The following GDAP2 variants were observed in gnomAD, a reference collection of about 807,000 sequenced individuals.
GDAP2 encodes ganglioside-induced differentiation-associated protein 2.
Under a neutral mutation model 67.0 loss-of-function variants are expected in GDAP2, and 51 were observed. That is an observed-to-expected ratio of 0.76 (90% CI 0.61 to 0.96). The LOEUF is 0.96. Ranked by LOEUF, GDAP2 falls within the 40% of genes least tolerant of loss-of-function variation. GDAP2 has a pLI of 0.00. For synonymous variants in GDAP2, 203 were observed against 207.3 expected (o/e 0.98, Z 0.18); for missense variants, 547 against 588.3 (o/e 0.93, Z 0.73).
In GDAP2 at chr1:117,896,865, T is replaced by A. The variant is rs1649282549; in HGVS notation, c.921A>T (p.Ser307=). ...GATGCTGCTTCTGCAGAGCTGCCTC[T>A]GATAATTGTCCCTGAAGGATCAGTT... ...QRKLILQGQL[S]EAALQKQHQR... Residue 307 remains serine (S), a synonymous_variant, in exon 8 of 14, where the codon TCA becomes TCT. Transcript: ENST00000369443. 1 of 1,613,058 alleles carries A rather than the reference T, an allele frequency of 6.2e-7. No homozygotes were observed. The highest frequency in any genetic ancestry group is 1.7e-5 in the Admixed American group (1 of 59,908).
intron 1 of GDAP2, among the ~76,000 whole-genome samples, chr1:117,926,349 T>C (rs1413367010): frequency 6.6e-6 from 1 of 152,240 alleles, no homozygotes; most frequent in Non-Finnish European, 1.5e-5. Context: ...GTGGTTCTCC[T>C]ATATCCCTGA....
In GDAP2 at chr1:117,883,545, T is replaced by G; in HGVS notation, c.1190A>C (p.Glu397Ala). The G allele has an allele frequency of 6.2e-7, 1 of 1,610,462 alleles. No individual in the cohort carries two copies. ...GAAGTCGGAGTCCAGGTGATTGTAT[T>G]CGCTGGTCAGGGTGTGAAAATACAC... ...VLVYFHTLTS[E>A]YNHLDSDFLK... Residue 397 changes from glutamate to alanine, a missense_variant, in exon 11 of 14, where the codon GAA (glutamate) becomes GCA (alanine). Transcript: ENST00000369443.
chr1:117,880,163 T>C (rs1257612597), intron 12 of GDAP2, among the ~76,000 whole-genome samples: 1 of 151,992 alleles, frequency 6.6e-6, no homozygotes, highest in Admixed American at 6.6e-5. Flanking sequence ...CCAGTGTGGG[T>C]GACAGACTGA....
intron 3 of GDAP2, among the ~76,000 whole-genome samples, chr1:117,914,902 T>C (rs1210562924): frequency 3.9e-5 from 6 of 152,008 alleles, no homozygotes. Flanking sequence ...CCTGGTAGAT[T>C]TACTCACAAA....
In GDAP2 at chr1:117,870,509, G is replaced by A. The variant is rs1648222711; in HGVS notation, c.*60C>T. On this transcript the variant is annotated 3_prime_UTR_variant, in exon 14 of 14. Coordinates refer to ENST00000369443, the MANE Select transcript of GDAP2 (RefSeq NM_017686.4). ...AGCAACAATGAATATCACTTCAACAGGTAGCTATTCGTGGAGGAAGTGGCA... is the reference window on the plus strand; with the variant it reads ...AGCAACAATGAATATCACTTCAACAAGTAGCTATTCGTGGAGGAAGTGGCA... 3 of 989,744 alleles carry A rather than the reference G, an allele frequency of 3.0e-6. No individual in the cohort carries two copies. The Admixed American group carries it at 5.1e-5, about 17-fold the overall frequency. The allele number at this position is 989,744 out of a possible 1,614,324, so 61.3% of individuals were successfully genotyped here.
rs1648736975 is a variant in GDAP2, at chr1:117,883,488, T to C, written c.1247A>G (p.Lys416Arg). The C allele has an allele frequency of 6.2e-7, 1 of 1,609,996 alleles. No individual in the cohort carries two copies. The highest frequency in any genetic ancestry group is 8.5e-7 in the Non-Finnish European group (1 of 1,177,646). ...TTCATAATTTGCAAAAATAACTAAC[T>C]TGACATCAACAACATCGTAGAGTTT... ...LKKLYDVVDVKYKRNLKAVYF... is the reference protein window; with the variant it reads ...LKKLYDVVDVRYKRNLKAVYF... The change falls in exon 11 of 14, where the codon AAG becomes AGG. Residue 416 changes from lysine (K) to arginine (R), a missense_variant and splice_region_variant. Physicochemically the swap from Lys to Arg is conservative, Grantham distance 26 (BLOSUM62 2). Coordinates refer to ENST00000369443, the MANE Select transcript of GDAP2 (RefSeq NM_017686.4).
chr1:117,884,813 C>CATGTGTGTGT (rs376358688), intron 10 of GDAP2, among the ~76,000 whole-genome samples: 4,375 of 147,938 alleles, frequency 0.03, 95 homozygotes, highest in Non-Finnish European at 0.046. Flanking sequence ...TTATTCCCTC[C>CATGTGTGTGT]GTGTGTGTGT....
intron 6 of GDAP2, among the ~76,000 whole-genome samples, chr1:117,905,676 A>G (rs183153817): frequency 8.4e-4 from 128 of 152,272 alleles, no homozygotes; most frequent in African/African-American, 3.0e-3. Flanking sequence ...CCAGGACCTA[A>G]TATAGCAAAC....
chr1:117,917,596 G>C (rs1650095311), intron 3 of GDAP2, among the ~76,000 whole-genome samples: 1 of 152,238 alleles, frequency 6.6e-6, no homozygotes, highest in Non-Finnish European at 1.5e-5. Flanking sequence ...CTCAGACTCA[G>C]AGGTGAAGTA....
chr1:117,872,167 G>A (rs1000567675), intron 13 of GDAP2, among the ~76,000 whole-genome samples: 8 of 151,980 alleles, frequency 5.3e-5, no homozygotes, highest in South Asian at 4.2e-4. Context: ...TCAGAATGGC[G>A]ATTACTAAAA....
chr1:117,917,999 G>A (rs1234344478), intron 3 of GDAP2, among the ~76,000 whole-genome samples: 1 of 152,104 alleles, frequency 6.6e-6, no homozygotes, highest in African/African-American at 2.4e-5. Flanking sequence ...CTTTCATAGA[G>A]CCAGCACTTA....
intron 8 of GDAP2, 133 bp from the exon 9 acceptor site, chr1:117,887,907 T>TA (rs1322451164): frequency 1.7e-6 from 1 of 600,336 alleles, no homozygotes; most frequent in African/African-American, 1.9e-5. Context: ...GGGAAGGAGT[T>TA]AAAGAAGCAT....
In GDAP2 at chr1:117,920,398, C is replaced by G. The variant is rs778715620; in HGVS notation, c.-41G>C. 3.0e-6 allele frequency: 4 copies of G among 1,316,268 alleles called. No individual in the cohort carries two copies. The highest frequency in any genetic ancestry group is 4.3e-6 in the Non-Finnish European group (4 of 931,714). The allele number at this position is 1,316,268 out of a possible 1,614,324, so 81.5% of individuals were successfully genotyped here. On this transcript the variant is annotated 5_prime_UTR_variant, in exon 2 of 14. Transcript: ENST00000369443. ...ATTTGTCTTTTCCCAAAATCCTCAG[C>G]AATTCAATATTCACTGGAGACTTTA...
intron 8 of GDAP2, among the ~76,000 whole-genome samples, chr1:117,890,332 T>C (rs1287148171): frequency 6.6e-6 from 1 of 152,126 alleles, no homozygotes. Flanking sequence ...TCTATTACAT[T>C]AGACCACCAG....
At chr1:117,877,729 T>C (rs1204163031) in intron 13 of GDAP2, 6 of 1,138,886 alleles carry the variant, frequency 5.3e-6, no homozygotes, top group Non-Finnish European at 6.5e-6. Context: ...CTGTTTTAAA[T>C]ATGGTAGAAA....
chr1:117,919,409 T>C (rs1290534189), intron 2 of GDAP2, among the ~76,000 whole-genome samples: 1 of 151,738 alleles, frequency 6.6e-6, no homozygotes, highest in Non-Finnish European at 1.5e-5. Flanking sequence ...ATTTGTACTA[T>C]AATATAGATG....
chr1:117,899,360 G>C lies in GDAP2; in HGVS notation c.637-144C>G, dbSNP rs1180769270. 1.3e-5 allele frequency: 8 copies of C among 619,010 alleles called. No individual in the cohort carries two copies. In the Admixed American group the frequency reaches 1.9e-4, roughly 15 times the overall value. 38.3% of individuals were successfully genotyped at this position (619,010 alleles called of 1,614,324 possible). On this transcript the variant is annotated intron_variant, in intron 6 of 13. Transcript: ENST00000369443. ...CACTTCTGAGCTCAGACTCGATACT[G>C]TCTGAAACCCTCAATCAGCTTTTGT...
rs1337432770 is a variant in GDAP2 at position 117,869,432 on chromosome 1, G to A, written c.*1137C>T. On this transcript the variant is annotated 3_prime_UTR_variant, in exon 14 of 14. Coordinates refer to ENST00000369443, the MANE Select transcript of GDAP2 (RefSeq NM_017686.4). ...ACTCAAATGGTATCAAGGACAAGAG[G>A]AGTGCTGTGTAGCATTCCCTCATAT... is the stretch of plus-strand genomic sequence containing the variant. 2.0e-5 allele frequency: 3 copies of A among 152,450 alleles called. No individual in the cohort carries two copies. The highest frequency in any genetic ancestry group is 6.6e-5 in the Admixed American group (1 of 15,264). 9.4% of individuals were successfully genotyped at this position (152,450 alleles called of 1,614,324 possible).
intron 6 of GDAP2, among the ~76,000 whole-genome samples, chr1:117,902,486 A>G (rs572035634): frequency 2.0e-5 from 3 of 152,342 alleles, no homozygotes; most frequent in South Asian, 4.1e-4. Flanking sequence ...TGTATCTGCT[A>G]TAAGGTAGGA....
Sources: gnomAD v4.1 joint callset for allele counts (sites outside exome capture counted in the v4.1 genomes callset) on GRCh38, gnomAD v4.1.1 for gene constraint, MANE v1.5 for transcripts, NCBI Gene and HGNC (gene_info 2026-07-23, HGNC 2026-07-21) for gene names.